The following STAG2 variants were observed in gnomAD, a reference collection of about 807,000 sequenced individuals.
STAG2 encodes the protein cohesin subunit SA-2.
STAG2 carries 14 observed loss-of-function variants against 108.1 expected under a neutral mutation model. The observed-to-expected ratio is 0.13, with a 90% CI of 0.09 to 0.20. STAG2 has a LOEUF of 0.20. Ranked by LOEUF, STAG2 falls within the 10% of genes least tolerant of loss-of-function variation. The probability of loss-of-function intolerance (pLI) is 1.00; values close to 1 mark genes in which losing one functional copy is unlikely to be tolerated. For missense variants in STAG2, 440 were observed against 940.9 expected (o/e 0.47, Z 6.96); for synonymous variants, 307 against 302.7 (o/e 1.01, Z -0.15).
rs2059020185 is a variant in STAG2, at chrX:124,083,640, CAG to C, written c.3053+93_3053+94del. ...TTGGTTTCTCTCCTTTCTACTCACACAGAATTGTAGGATTGCATTAATACACA... is the reference window on the plus strand; with the variant it reads ...TTGGTTTCTCTCCTTTCTACTCACACAATTGTAGGATTGCATTAATACACA... On this transcript the variant is annotated intron_variant, in intron 29 of 34. Transcript: ENST00000371145. The C allele has an allele frequency of 2.2e-4, 167 of 769,897 alleles. 2 individuals are homozygous for C. The South Asian group carries it at 5.1e-3, about 24-fold the overall frequency. The allele number at this position is 769,897 out of a possible 1,213,427, so 63.4% of individuals were successfully genotyped here. A position where few individuals can be genotyped will look rare whatever the true frequency, so the allele number is the denominator to read the frequency against.
At position 124,062,958 on chromosome X, in the gene STAG2, G is replaced by A. The variant is rs1287080543; in HGVS notation, c.1695G>A (p.Glu565=). Residue 565 remains glutamate (E), a synonymous_variant, in exon 18 of 35, where the codon GAG becomes GAA. Transcript: ENST00000371145. The stretch of plus-strand genomic sequence containing the variant: ...TGGATGATAGGACAAAAATCACTGA[G>A]CTTTTTGCCGTGGCCCTTCCTCAGT... ...TQLDDRTKIT[E]LFAVALPQLL... is the part of the protein sequence containing the mutation. The A allele has an allele frequency of 5.8e-6, 7 of 1,211,480 alleles. No individual in the cohort carries two copies. The highest frequency in any genetic ancestry group is 1.8e-5 in the South Asian group (1 of 57,002).
At chrX:123,982,674 A>C (rs1425346727) in intron 1 of STAG2, among the ~76,000 whole-genome samples, 1 of 108,303 alleles carries the variant, frequency 9.2e-6, no homozygotes, top group East Asian at 2.9e-4. Flanking sequence ...GGCGTGAGCC[A>C]CCGCACCCTG....
At chrX:124,057,808 T>G (rs1233043946) in intron 14 of STAG2, 58 bp from the exon 15 acceptor site, 17 of 807,439 alleles carry the variant, frequency 2.1e-5, no homozygotes, top group Non-Finnish European at 2.9e-5. Context: ...GTTAATTTTT[T>G]TATTAGAAAA....
intron 5 of STAG2, among the ~76,000 whole-genome samples, chrX:124,036,705 G>A (rs999629511): frequency 2.7e-5 from 3 of 110,116 alleles, no homozygotes; most frequent in African/African-American, 9.9e-5. Flanking sequence ...TTTTGTCGTT[G>A]CCTCTCTTGC....
At position 123,992,302 on chromosome X, in the gene STAG2, ACT is replaced by A. The variant is rs1384932954; in HGVS notation, c.-162-29062_-162-29061del. On this transcript the variant is annotated intron_variant, in intron 1 of 34. Transcript: ENST00000371145. ...AAATCCTTAATTTTATTTATTATTAACTCTTTATTTTAATCCTTTTTTACATT... is the reference window on the plus strand; with the variant it reads ...AAATCCTTAATTTTATTTATTATTAACTTTATTTTAATCCTTTTTTACATT... Among the ~76,000 whole-genome samples, 5 of 109,586 alleles carry A rather than the reference ACT, an allele frequency of 4.6e-5. No individual in the cohort carries two copies. The Admixed American group carries it at 4.9e-4, about 11-fold the overall frequency.
rs188012323 is a variant in STAG2 at position 124,037,633 on chromosome X, A to C, written c.385+10A>C. 9.0e-7 allele frequency: 1 copy of C among 1,107,174 alleles called. No homozygotes were observed. The highest frequency in any genetic ancestry group is 1.2e-6 in the Non-Finnish European group (1 of 819,403). The allele number at this position is 1,107,174 out of a possible 1,213,427, so 91.2% of individuals were successfully genotyped here. A position where few individuals can be genotyped will look rare whatever the true frequency, so the allele number is the denominator to read the frequency against. On this transcript the variant is annotated intron_variant, in intron 6 of 34. Transcript: ENST00000371145. ...TGTTCAGGCTGTAAAGGTAAGATATATTTATTTTGAAATCAGCAGCTCTCA... is the reference window on the plus strand; with the variant it reads ...TGTTCAGGCTGTAAAGGTAAGATATCTTTATTTTGAAATCAGCAGCTCTCA...
At chrX:124,086,004 C>T (rs913171352) in intron 29 of STAG2, among the ~76,000 whole-genome samples, 1 of 110,998 alleles carries the variant, frequency 9.0e-6, no homozygotes. Context: ...CTCTTGGTGT[C>T]AGAGCCTTGG....
chrX:123,991,883 C>T (rs1208966847), intron 1 of STAG2, among the ~76,000 whole-genome samples: 2 of 110,746 alleles, frequency 1.8e-5, no homozygotes, highest in Admixed American at 9.6e-5. Flanking sequence ...AGGCTGGTCT[C>T]GAACTCCCAA....
At chrX:124,017,093 C>G (rs1469463502) in intron 1 of STAG2, among the ~76,000 whole-genome samples, 1 of 110,966 alleles carries the variant, frequency 9.0e-6, no homozygotes, top group Non-Finnish European at 1.9e-5. Flanking sequence ...TGTTCCCCTC[C>G]CCTGTGCTCT....
intron 1 of STAG2, among the ~76,000 whole-genome samples, chrX:123,992,531 A>G (rs2055533445): frequency 1.8e-5 from 2 of 109,712 alleles, no homozygotes; most frequent in African/African-American, 6.7e-5. Context: ...GGAGAGTTTC[A>G]TGGAACAAAT....
intron 20 of STAG2, among the ~76,000 whole-genome samples, chrX:124,065,516 A>AT (rs201039627): frequency 0.014 from 1,516 of 111,584 alleles, 31 homozygotes; most frequent in African/African-American, 0.047. Context: ...AGGTACTTAG[A>AT]TTTTGTCCTT....
intron 1 of STAG2, among the ~76,000 whole-genome samples, chrX:124,013,394 T>C (rs1040942121): frequency 9.0e-6 from 1 of 110,816 alleles, no homozygotes; most frequent in Admixed American, 9.7e-5. Flanking sequence ...TATTCAGATA[T>C]AAGTGAGATG....
chrX:124,072,740 A>G (rs376312149), intron 25 of STAG2, among the ~76,000 whole-genome samples: 16 of 109,387 alleles, frequency 1.5e-4, no homozygotes, highest in African/African-American at 5.3e-4. Context: ...TCACTCTGCT[A>G]TCCAGGGTGG....
rs748906058 is a variant in STAG2 at position 124,066,143 on chromosome X, ATTT to A, written c.2097-7_2097-5del. ...AGGCTTAGCTTTTTAATAAAACTTA[ATTT>A]TTTTTTTTTTTTTTTTTTTTTTTTA... On this transcript the variant is annotated intron_variant, in intron 21 of 34. Coordinates refer to ENST00000371145, the MANE Select transcript of STAG2 (RefSeq NM_001042750.2). 31,950 of 553,129 alleles carry A rather than the reference ATTT, an allele frequency of 0.058. 47 individuals are homozygous for A. The highest frequency in any genetic ancestry group is 0.089 in the East Asian group (1,712 of 19,294). 45.6% of individuals were successfully genotyped at this position (553,129 alleles called of 1,213,427 possible). A position where few individuals can be genotyped will look rare whatever the true frequency, so the allele number is the denominator to read the frequency against.
intron 6 of STAG2, among the ~76,000 whole-genome samples, chrX:124,041,996 T>C (rs1020806954): frequency 9.0e-6 from 1 of 111,151 alleles, no homozygotes; most frequent in Non-Finnish European, 1.9e-5. Context: ...GACAGCTTCT[T>C]TTTCTTTTTG....
At position 124,080,286 on chromosome X, in the gene STAG2, G is replaced by A. The variant is rs2058922364; in HGVS notation, c.2776-1094G>A. Among the ~76,000 whole-genome samples, 4 of 111,032 alleles carry A rather than the reference G, an allele frequency of 3.6e-5. No homozygotes were observed. In the South Asian group the frequency reaches 1.1e-3, roughly 32 times the overall value. On this transcript the variant is annotated intron_variant, in intron 27 of 34. Coordinates refer to ENST00000371145, the MANE Select transcript of STAG2 (RefSeq NM_001042750.2). ...AAGTCTCAGCCTCCCCCAACCCCCA[G>A]TCCCTGGCAACCACCATTCTGTTCT...
intron 1 of STAG2, among the ~76,000 whole-genome samples, chrX:123,998,504 A>G (rs1358604605): frequency 9.6e-6 from 1 of 103,755 alleles, no homozygotes; most frequent in Non-Finnish European, 2.0e-5. Flanking sequence ...TTTTTTAAGG[A>G]ACAGTTATAT....
intron 5 of STAG2, 112 bp from the exon 6 acceptor site, chrX:124,037,410 TTTATA>T (rs2057552866): frequency 7.7e-6 from 2 of 261,037 alleles, no homozygotes; most frequent in Admixed American, 1.2e-4. Context: ...TGTATAAGTA[TTTATA>T]TTAAAGTAAT....
intron 30 of STAG2, 148 bp downstream of exon 30, chrX:124,086,918 T>A (rs1647587162): frequency 2.0e-6 from 1 of 502,713 alleles, no homozygotes; most frequent in Non-Finnish European, 3.1e-6. Flanking sequence ...GTTGTAGGCA[T>A]TTTAGATACA....
Sources: allele counts gnomAD v4.1 joint callset (sites outside exome capture counted in the v4.1 genomes callset), GRCh38; gene constraint gnomAD v4.1.1; transcripts MANE v1.5; gene names NCBI Gene and HGNC (gene_info 2026-07-23, HGNC 2026-07-21).